GNAL: variants seen among roughly 807,000 people sequenced by gnomAD.
The protein encoded by GNAL is guanine nucleotide-binding protein G(olf) subunit alpha.
Under a neutral mutation model 55.1 loss-of-function variants are expected in GNAL, and 18 were observed. The ratio of observed to expected loss-of-function variants is 0.33; its 90% CI spans 0.23 to 0.48. GNAL has a LOEUF of 0.48. GNAL is among the 20% of genes least tolerant of loss of function. The pLI is 0.99. For synonymous variants in GNAL, 253 were observed against 237.0 expected (o/e 1.07, Z -0.62); for missense variants, 412 against 614.1 (o/e 0.67, Z 3.48).
intron 4 of GNAL, among the ~76,000 whole-genome samples, chr18:11,788,897 GAAAAA>G (rs1162398867): frequency 4.8e-5 from 4 of 82,516 alleles, no homozygotes; most frequent in African/African-American, 3.0e-4. Context: ...ACTCCGTCTC[GAAAAA>G]AAAAAAAAAA....
rs552434720 is a variant in GNAL, at chr18:11,808,987, T to C, written c.625-15931T>C. ...GACAGAAAGGAGGGACCAGGCATGG[T>C]GGCTCGTGCCTATAAATCCCAGCAC... is the stretch of plus-strand genomic sequence containing the variant. On this transcript the variant is annotated intron_variant, in intron 4 of 11. Transcript: ENST00000334049. Among the ~76,000 whole-genome samples, 403 of 152,346 alleles carry C rather than the reference T, an allele frequency of 2.6e-3. 1 individual carries two copies. The highest frequency in any genetic ancestry group is 4.8e-3 in the Non-Finnish European group (325 of 68,026).
intron 4 of GNAL, among the ~76,000 whole-genome samples, chr18:11,812,170 G>A (rs1342464319): frequency 1.3e-5 from 2 of 152,170 alleles, no homozygotes; most frequent in East Asian, 1.9e-4. Flanking sequence ...CTGGAGACTC[G>A]ATTTATTTAA....
chr18:11,752,391 G>A lies in GNAL; in HGVS notation c.377-462G>A. 6.4e-7 allele frequency: 1 copy of A among 1,574,316 alleles called. No homozygotes were observed. The highest frequency in any genetic ancestry group is 8.6e-7 in the Non-Finnish European group (1 of 1,165,280). Reference sequence around the variant, plus strand: ...CGTCTCCAACTCTCTATTGCTTTTTGCGCACATTCCTAACTTCCTGACGTC... The same window carrying A: ...CGTCTCCAACTCTCTATTGCTTTTTACGCACATTCCTAACTTCCTGACGTC... On this transcript the variant is annotated intron_variant, in intron 1 of 11. Transcript: ENST00000334049. The surrounding 1 kb of genome is among the most constrained non-coding windows in gnomAD (Gnocchi z 4.5).
At chr18:11,862,668 A>T (rs938571713) in intron 6 of GNAL, among the ~76,000 whole-genome samples, 2 of 152,194 alleles carry the variant, frequency 1.3e-5, no homozygotes, top group African/African-American at 4.8e-5. Flanking sequence ...AATTGCCAGC[A>T]TGCAAATGAG....
chr18:11,743,878 C>T (rs1249526103), intron 1 of GNAL, among the ~76,000 whole-genome samples: 2 of 151,772 alleles, frequency 1.3e-5, no homozygotes, highest in East Asian at 3.9e-4. Context: ...TAAAATACAC[C>T]AGTGGTCCCC....
chr18:11,863,227 G>A (rs1165094590), intron 6 of GNAL, among the ~76,000 whole-genome samples: 2 of 152,128 alleles, frequency 1.3e-5, no homozygotes, highest in African/African-American at 2.4e-5. Context: ...GTGCCCCTTC[G>A]ACCCTCGGGC....
intron 1 of GNAL, among the ~76,000 whole-genome samples, chr18:11,699,370 G>GT (rs906975665): frequency 0.014 from 2,026 of 147,284 alleles, 46 homozygotes; most frequent in African/African-American, 0.045. Context: ...AATTTTTGGG[G>GT]TTTTTTTTTT....
At chr18:11,749,984 G>A (rs1457914084) in intron 1 of GNAL, among the ~76,000 whole-genome samples, 1 of 152,158 alleles carries the variant, frequency 6.6e-6, no homozygotes, top group African/African-American at 2.4e-5. Context: ...TTGTATTATC[G>A]CAGTGGGAGC....
intron 1 of GNAL, among the ~76,000 whole-genome samples, chr18:11,727,073 G>A (rs554774972): frequency 4.2e-4 from 64 of 152,176 alleles, no homozygotes; most frequent in South Asian, 3.5e-3. Flanking sequence ...CCTAGTCCGC[G>A]CTGGGTGCCC....
At chr18:11,729,441 C>T (rs1056655922) in intron 1 of GNAL, among the ~76,000 whole-genome samples, 9 of 152,130 alleles carry the variant, frequency 5.9e-5, no homozygotes, top group African/African-American at 2.2e-4. Context: ...TCCTAAGTAG[C>T]CAGATCCTCT....
intron 5 of GNAL, among the ~76,000 whole-genome samples, chr18:11,848,148 C>G (rs1180718666): frequency 6.6e-6 from 1 of 152,126 alleles, no homozygotes; most frequent in South Asian, 2.1e-4. Flanking sequence ...GTTTGGAGCT[C>G]AGAAGCAAAT....
At chr18:11,872,087 TACC>T (rs2036410885) in intron 9 of GNAL, among the ~76,000 whole-genome samples, 178 bp from the exon 10 acceptor site, 1 of 152,228 alleles carries the variant, frequency 6.6e-6, no homozygotes, top group African/African-American at 2.4e-5. Flanking sequence ...GCTCAACCTG[TACC>T]TATATTTGTT....
intron 1 of GNAL, among the ~76,000 whole-genome samples, chr18:11,723,306 G>T (rs905026396): frequency 3.9e-5 from 6 of 152,210 alleles, no homozygotes; most frequent in Admixed American, 3.9e-4. Context: ...TTTGAATTTC[G>T]TATAGTTCTC....
intron 4 of GNAL, among the ~76,000 whole-genome samples, chr18:11,783,992 C>G (rs1423636956): frequency 6.6e-6 from 1 of 152,240 alleles, no homozygotes; most frequent in African/African-American, 2.4e-5. Context: ...GTTCATTGTC[C>G]TGTGAGGCAG....
chr18:11,710,571 T>C (rs762897502), intron 1 of GNAL, among the ~76,000 whole-genome samples: 18 of 152,220 alleles, frequency 1.2e-4, no homozygotes, highest in Non-Finnish European at 2.4e-4. Context: ...TTAGCATTTC[T>C]TGTATGTCAT....
intron 9 of GNAL, among the ~76,000 whole-genome samples, chr18:11,871,894 T>C (rs375185658): frequency 5.9e-5 from 9 of 152,344 alleles, no homozygotes; most frequent in Admixed American, 5.2e-4. Flanking sequence ...CCAAAAGTGT[T>C]TAAGATTTCT....
At chr18:11,728,546 G>A (rs2032265846) in intron 1 of GNAL, among the ~76,000 whole-genome samples, 1 of 152,074 alleles carries the variant, frequency 6.6e-6, no homozygotes, top group African/African-American at 2.4e-5. Flanking sequence ...ATTCTGAGTT[G>A]GACAACTCAG....
At chr18:11,871,207 A>G (rs2036388622) in intron 9 of GNAL, among the ~76,000 whole-genome samples, 1 of 150,150 alleles carries the variant, frequency 6.7e-6, no homozygotes, top group Admixed American at 6.6e-5. Flanking sequence ...CAGGTAAGCT[A>G]TTTCCATTTG....
chr18:11,776,312 A>G (rs1210618811), intron 4 of GNAL, among the ~76,000 whole-genome samples: 1 of 152,248 alleles, frequency 6.6e-6, no homozygotes, highest in Non-Finnish European at 1.5e-5. Flanking sequence ...CATACTCTTC[A>G]GAAGTTTTTT....
Sources: gnomAD v4.1 joint callset for allele counts (sites outside exome capture counted in the v4.1 genomes callset) on GRCh38, gnomAD v4.1.1 for gene constraint, Gnocchi (gnomAD v3.1) non-coding constraint, MANE v1.5 for transcripts, NCBI Gene and HGNC (gene_info 2026-07-23, HGNC 2026-07-21) for gene names.